The following AFF2 variants were observed in gnomAD, a reference collection of about 807,000 sequenced individuals.
The protein encoded by AFF2 is ALF transcription elongation factor 2.
A neutral mutation model predicts 76.9 loss-of-function variants in AFF2; 14 were observed. That is an observed-to-expected ratio of 0.18 (90% CI 0.12 to 0.28). The LOEUF (loss-of-function observed/expected upper bound fraction) is 0.28, where lower values mean the gene tolerates loss of function less well. Among genes scored for constraint, AFF2 ranks in the 10% least tolerant of loss-of-function variants. The pLI, the probability that AFF2 is intolerant of heterozygous loss-of-function variation, is 1.00. For missense variants in AFF2, 868 were observed against 1,001.1 expected (o/e 0.87, Z 1.79); for synonymous variants, 398 against 366.7 (o/e 1.09, Z -0.98).
At chrX:148,794,660 C>A (rs1207893890) in intron 3 of AFF2, among the ~76,000 whole-genome samples, 5 of 111,644 alleles carry the variant, frequency 4.5e-5, no homozygotes, top group Non-Finnish European at 7.5e-5. Flanking sequence ...TTTGCAGGTT[C>A]CTTTTTAGAC....
chrX:148,683,324 T>G, intron 3 of AFF2, among the ~76,000 whole-genome samples: 1 of 112,242 alleles, frequency 8.9e-6, no homozygotes. Context: ...CCAGATGCTT[T>G]TATCTGTGCA....
chrX:148,967,023 C>T lies in AFF2; in HGVS notation c.3147C>T (p.Pro1049=), dbSNP rs782038135. The change falls in exon 14 of 21, where the codon CCC becomes CCT. Residue 1049 remains proline, a synonymous_variant. Coordinates refer to ENST00000370460, the MANE Select transcript of AFF2 (RefSeq NM_002025.4). ...HLEMTSWAAL[P]LLSSSSTNVR... Reference sequence around the variant, plus strand: ...AGATGACGTCCTGGGCGGCTCTGCCCCTTCTATCCAGCAGCAGCACTAATG... The same window carrying T: ...AGATGACGTCCTGGGCGGCTCTGCCTCTTCTATCCAGCAGCAGCACTAATG... 6.6e-6 allele frequency: 8 copies of T among 1,209,475 alleles called. No homozygotes were observed. The East Asian group carries it at 2.4e-4, about 36-fold the overall frequency.
chrX:148,868,995 G>A (rs2070940509), intron 7 of AFF2, among the ~76,000 whole-genome samples: 1 of 112,800 alleles, frequency 8.9e-6, no homozygotes, highest in Non-Finnish European at 1.9e-5. Flanking sequence ...GAATTTTGAA[G>A]GAGACACAAA....
At chrX:148,828,250 A>G (rs1569555988) in intron 4 of AFF2, among the ~76,000 whole-genome samples, 1 of 112,267 alleles carries the variant, frequency 8.9e-6, no homozygotes, top group Non-Finnish European at 1.9e-5. Context: ...AGGGTTAGAA[A>G]TGTTAAGAAC....
At chrX:148,962,270 A>T (rs2124375925) in intron 12 of AFF2, among the ~76,000 whole-genome samples, 1 of 112,652 alleles carries the variant, frequency 8.9e-6, no homozygotes, top group South Asian at 3.7e-4. Flanking sequence ...TCTTCCACTG[A>T]TTCTTTATTG....
intron 2 of AFF2, among the ~76,000 whole-genome samples, chrX:148,654,532 G>A (rs1557256781): frequency 1.8e-5 from 2 of 111,160 alleles, no homozygotes; most frequent in African/African-American, 6.6e-5. Context: ...TGAGATAAAC[G>A]TGAACATGTT....
chrX:148,805,772 A>C (rs1557271279), intron 3 of AFF2, among the ~76,000 whole-genome samples: 1 of 112,655 alleles, frequency 8.9e-6, no homozygotes, highest in African/African-American at 3.2e-5. Flanking sequence ...TGTCAGATGC[A>C]GAGAGGGTAG....
chrX:148,744,550 A>G (rs2055399031), intron 3 of AFF2, among the ~76,000 whole-genome samples: 1 of 111,433 alleles, frequency 9.0e-6, no homozygotes, highest in Admixed American at 9.5e-5. Context: ...GTAATACAAT[A>G]TGAGCTTTTC....
intron 1 of AFF2, among the ~76,000 whole-genome samples, chrX:148,512,532 C>T (rs1357833424): frequency 1.1e-4 from 12 of 111,978 alleles, no homozygotes; most frequent in Non-Finnish European, 1.3e-4. Context: ...AAAGTTAAAG[C>T]GAATTCTAAA....
At chrX:148,536,264 T>C (rs782635106) in intron 1 of AFF2, among the ~76,000 whole-genome samples, 6 of 110,688 alleles carry the variant, frequency 5.4e-5, no homozygotes, top group Non-Finnish European at 1.1e-4. Flanking sequence ...CATATCACTT[T>C]ATTCATCTTC....
intron 3 of AFF2, among the ~76,000 whole-genome samples, chrX:148,789,411 C>A (rs1258300112): frequency 9.0e-6 from 1 of 111,483 alleles, no homozygotes; most frequent in African/African-American, 3.3e-5. Context: ...CTGAAAAACT[C>A]TCTGAGATCT....
At chrX:148,617,754 C>A (rs73249429) in intron 1 of AFF2, among the ~76,000 whole-genome samples, 2,481 of 112,273 alleles carry the variant, frequency 0.022, 35 homozygotes, top group Middle Eastern at 0.096. Flanking sequence ...ATAGAATCAG[C>A]GTGTAAGAAG....
At chrX:148,950,048 G>A (rs1376568110) in intron 9 of AFF2, among the ~76,000 whole-genome samples, 3 of 112,731 alleles carry the variant, frequency 2.7e-5, no homozygotes, top group African/African-American at 9.7e-5. Flanking sequence ...ACAGCTAACA[G>A]ATTTCAGTGA....
chrX:148,551,509 A>AT (rs1418237138), intron 1 of AFF2, among the ~76,000 whole-genome samples: 10 of 96,959 alleles, frequency 1.0e-4, no homozygotes, highest in Non-Finnish European at 2.1e-4. Context: ...AAAAAAAAAA[A>AT]GAAGAAAGAA....
At chrX:148,868,309 C>T (rs1557277020) in intron 7 of AFF2, among the ~76,000 whole-genome samples, 1 of 111,976 alleles carries the variant, frequency 8.9e-6, no homozygotes, top group African/African-American at 3.2e-5. Context: ...TCTGCAGACT[C>T]CATGCATCCC....
At chrX:148,855,535 G>T (rs1212621239) in intron 7 of AFF2, among the ~76,000 whole-genome samples, 1 of 112,152 alleles carries the variant, frequency 8.9e-6, no homozygotes, top group East Asian at 2.8e-4. Context: ...GATCCAGAAG[G>T]TGTCACTTGC....
chrX:148,701,288 C>CCATCTCT (rs1557261861), intron 3 of AFF2, among the ~76,000 whole-genome samples: 1 of 111,292 alleles, frequency 9.0e-6, no homozygotes, highest in East Asian at 2.8e-4. Flanking sequence ...AATGTTCGAC[C>CCATCTCT]CATCTCTCAA....
At chrX:148,923,116 G>A (rs2071614012) in intron 9 of AFF2, among the ~76,000 whole-genome samples, 1 of 111,559 alleles carries the variant, frequency 9.0e-6, no homozygotes, top group African/African-American at 3.3e-5. Context: ...ATGTCCTTTG[G>A]CTTGTGCTGT....
At chrX:148,807,765 G>T (rs1271092753) in intron 3 of AFF2, among the ~76,000 whole-genome samples, 1 of 112,311 alleles carries the variant, frequency 8.9e-6, no homozygotes, top group East Asian at 2.8e-4. Flanking sequence ...TTTGTATTTG[G>T]GGAATGTATT....
Sources: allele counts gnomAD v4.1 joint callset (sites outside exome capture counted in the v4.1 genomes callset), GRCh38; gene constraint gnomAD v4.1.1; transcripts MANE v1.5; gene names NCBI Gene and HGNC (gene_info 2026-07-23, HGNC 2026-07-21).